The following FGD5 variants were observed in gnomAD, a reference collection of about 807,000 sequenced individuals.
FGD5 encodes the protein FYVE, RhoGEF and PH domain-containing protein 5.
FGD5 carries 28 observed loss-of-function variants against 133.4 expected under a neutral mutation model. That is an observed-to-expected ratio of 0.21 (90% confidence interval 0.16 to 0.29). FGD5 has a LOEUF of 0.29. Among genes scored for constraint, FGD5 ranks in the 10% least tolerant of loss-of-function variants. FGD5 has a pLI of 1.00. For synonymous variants in FGD5, 810 were observed against 776.5 expected, an observed-to-expected ratio of 1.04 and a Z score of -0.72; for missense variants, 1,858 against 1,895.2, an observed-to-expected ratio of 0.98 and a Z score of 0.36.
chr3:14,927,950 T>A (rs1416209409), intron 18 of FGD5, among the ~76,000 whole-genome samples: 3 of 144,666 alleles, frequency 2.1e-5, no homozygotes, highest in Non-Finnish European at 4.5e-5. Flanking sequence ...TTTTTTTTAA[T>A]TTTTTTTTTT....
chr3:14,863,693 T>C (rs1204101912), intron 1 of FGD5, among the ~76,000 whole-genome samples: 1 of 152,236 alleles, frequency 6.6e-6, no homozygotes, highest in African/African-American at 2.4e-5. Context: ...AGGCCGGGAC[T>C]AGGGGCTGGA....
intron 4 of FGD5, among the ~76,000 whole-genome samples, chr3:14,894,415 C>T (rs1258033613): frequency 2.0e-5 from 3 of 151,788 alleles, no homozygotes; most frequent in Non-Finnish European, 4.4e-5. Context: ...CTGTGAAAAA[C>T]AAGGTGGTGC....
intron 2 of FGD5, among the ~76,000 whole-genome samples, chr3:14,876,194 G>T (rs2125114117): frequency 6.6e-6 from 1 of 152,280 alleles, no homozygotes; most frequent in Admixed American, 6.5e-5. Flanking sequence ...AAGGCCTGGG[G>T]TTCCCTGGCC....
chr3:14,854,389 T>A (rs114441968), intron 1 of FGD5, among the ~76,000 whole-genome samples: 4,401 of 137,540 alleles, frequency 0.032, 104 homozygotes, highest in Middle Eastern at 0.083. Context: ...TTTCTTTTCT[T>A]TTTATTTATT....
chr3:14,836,254 G>A (rs1163257713), intron 1 of FGD5, among the ~76,000 whole-genome samples: 2 of 152,220 alleles, frequency 1.3e-5, no homozygotes, highest in Admixed American at 6.5e-5. Flanking sequence ...TCTGGGCCAC[G>A]CTCCCCGCCC....
intron 4 of FGD5, among the ~76,000 whole-genome samples, chr3:14,894,747 G>C (rs2038100867): frequency 6.8e-6 from 1 of 147,464 alleles, no homozygotes; most frequent in African/African-American, 2.5e-5. Context: ...CTGGCCTCAA[G>C]TGATCCTCCC....
intron 1 of FGD5, among the ~76,000 whole-genome samples, chr3:14,836,993 G>A (rs946803465): frequency 1.3e-5 from 2 of 152,184 alleles, no homozygotes; most frequent in African/African-American, 4.8e-5. Flanking sequence ...AAGCACCCGG[G>A]TATAAGGGAC....
intron 1 of FGD5, among the ~76,000 whole-genome samples, chr3:14,849,876 T>C (rs2037124765): frequency 6.6e-6 from 1 of 152,148 alleles, no homozygotes; most frequent in Non-Finnish European, 1.5e-5. Flanking sequence ...GGCTTCTGTG[T>C]CTGCTGTTGC....
At chr3:14,899,981 G>A (rs2125134174) in intron 7 of FGD5, among the ~76,000 whole-genome samples, 1 of 152,344 alleles carries the variant, frequency 6.6e-6, no homozygotes, top group South Asian at 2.1e-4. Flanking sequence ...GGCCAGAATA[G>A]AACGAGCAGA....
intron 4 of FGD5, among the ~76,000 whole-genome samples, chr3:14,890,646 G>A (rs1295581543): frequency 6.6e-6 from 1 of 152,190 alleles, no homozygotes; most frequent in East Asian, 1.9e-4. Flanking sequence ...ACGGATGTTT[G>A]TGACAATTCT....
At chr3:14,891,766 G>A (rs1364162190) in intron 4 of FGD5, among the ~76,000 whole-genome samples, 4 of 152,218 alleles carry the variant, frequency 2.6e-5, no homozygotes, top group Non-Finnish European at 4.4e-5. Context: ...CTTCTTGTCT[G>A]ATGGCGCAGG....
chr3:14,898,590 C>T lies in FGD5; in HGVS notation c.3067-149C>T, dbSNP rs1016072398. 5.2e-5 allele frequency: 34 copies of T among 657,402 alleles called. 1 individual carries two copies. In the South Asian group the frequency reaches 5.6e-4, roughly 11 times the overall value. 40.7% of individuals were successfully genotyped at this position (657,402 alleles called of 1,614,324 possible). A position where few individuals can be genotyped will look rare whatever the true frequency, so the allele number is the denominator to read the frequency against. ...CGGGCTAATCCAGGAGGGCTTCCCG[C>T]AGGAGGAGAACCTGGTTTTGGAGAT... On this transcript the variant is annotated intron_variant, in intron 6 of 19. Transcript: ENST00000285046.
intron 9 of FGD5, among the ~76,000 whole-genome samples, chr3:14,902,101 A>T (rs2038251141): frequency 6.6e-6 from 1 of 151,780 alleles, no homozygotes; most frequent in Admixed American, 6.6e-5. Context: ...GGCCAACATG[A>T]TGAAACCCTG....
At chr3:14,924,361 C>G (rs2038748401) in intron 17 of FGD5, among the ~76,000 whole-genome samples, 1 of 152,152 alleles carries the variant, frequency 6.6e-6, no homozygotes, top group African/African-American at 2.4e-5. Flanking sequence ...CCTCCTCTTT[C>G]TTTTCTCTCC....
chr3:14,827,762 T>C (rs1010159662), intron 1 of FGD5, among the ~76,000 whole-genome samples: 1 of 152,028 alleles, frequency 6.6e-6, no homozygotes, highest in Non-Finnish European at 1.5e-5. Context: ...TGCCCTTGTG[T>C]GGCCAGCTGT....
At chr3:14,907,477 G>T (rs1490642107) in intron 9 of FGD5, among the ~76,000 whole-genome samples, 163 bp from the exon 10 acceptor site, 1 of 152,224 alleles carries the variant, frequency 6.6e-6, no homozygotes. Flanking sequence ...TGCAGACCCA[G>T]GCTCGGATCC....
At chr3:14,931,820 A>G (rs964273382) in intron 18 of FGD5, 2 of 152,200 alleles carry the variant, frequency 1.3e-5, no homozygotes, top group African/African-American at 4.8e-5. Context: ...ATCAGAAGTA[A>G]CTGCAAAACT....
At chr3:14,912,046 G>A (rs557264736) in intron 11 of FGD5, among the ~76,000 whole-genome samples, 1 of 152,178 alleles carries the variant, frequency 6.6e-6, no homozygotes, top group Admixed American at 6.5e-5. Context: ...GTGGTGTGTT[G>A]GAGGAGTTCT....
At chr3:14,844,305 G>A (rs1408146348) in intron 1 of FGD5, among the ~76,000 whole-genome samples, 4 of 113,916 alleles carry the variant, frequency 3.5e-5, no homozygotes, top group African/African-American at 9.9e-5. Context: ...CCTGAGACTC[G>A]GATTCACTGG....
Sources: allele counts gnomAD v4.1 joint callset (sites outside exome capture counted in the v4.1 genomes callset), GRCh38; gene constraint gnomAD v4.1.1; transcripts MANE v1.5; gene names NCBI Gene and HGNC (gene_info 2026-07-23, HGNC 2026-07-21).